SIL1: variants seen among roughly 807,000 people sequenced by gnomAD.
SIL1 encodes nucleotide exchange factor SIL1.
In SIL1, 40 loss-of-function variants were observed where a neutral mutation model predicts 49.1. That is an observed-to-expected ratio of 0.81 (90% CI 0.63 to 1.06). The LOEUF is 1.06. Ranked by LOEUF, SIL1 falls within the 50% of genes least tolerant of loss-of-function variation. The pLI is 0.00. For missense variants in SIL1, 500 were observed against 572.6 expected (o/e 0.87, Z 1.29); for synonymous variants, 253 against 250.8 (o/e 1.01, Z -0.08).
chr5:138,949,637 C>A (rs886499953), intron 9 of SIL1, among the ~76,000 whole-genome samples: 3 of 151,836 alleles, frequency 2.0e-5, no homozygotes, highest in African/African-American at 7.3e-5. Context: ...CATAGTGAGA[C>A]CCTGTCTACA....
rs1360629532 is a variant in SIL1, at chr5:139,112,363, C to A, written c.244+8672G>T. Among the ~76,000 whole-genome samples the A allele has an allele frequency of 3.3e-5, 5 of 150,376 alleles. No individual in the cohort carries two copies. The South Asian group carries it at 1.1e-3, about 32-fold the overall frequency. On this transcript the variant is annotated intron_variant, in intron 3 of 9. Coordinates refer to ENST00000394817, the MANE Select transcript of SIL1 (RefSeq NM_022464.5). ...GCTGCCCAGTCTGGGAAGTGAGGAG[C>A]GCCTCTTCCCGGCTGCCATCCCGTC...
intron 1 of SIL1, among the ~76,000 whole-genome samples, chr5:139,172,154 C>T (rs1166538261): frequency 6.6e-6 from 1 of 152,042 alleles, no homozygotes; most frequent in Non-Finnish European, 1.5e-5. Context: ...TTGTGAAAGT[C>T]CCAGAAAGAA....
intron 3 of SIL1, among the ~76,000 whole-genome samples, chr5:139,085,416 G>A (rs1770195966): frequency 6.6e-6 from 1 of 152,158 alleles, no homozygotes; most frequent in South Asian, 2.1e-4. Flanking sequence ...GACTAATATG[G>A]TGGCCAGCAA....
At chr5:139,086,286 A>AAAGAAG (rs70982744) in intron 3 of SIL1, among the ~76,000 whole-genome samples, 15 of 145,164 alleles carry the variant, frequency 1.0e-4, no homozygotes, top group East Asian at 2.0e-4. Flanking sequence ...AAAAAAAAAA[A>AAAGAAG]AAGAAGAAGA....
intron 7 of SIL1, among the ~76,000 whole-genome samples, chr5:139,008,912 G>A (rs1768184989): frequency 6.6e-6 from 1 of 151,888 alleles, no homozygotes; most frequent in Non-Finnish European, 1.5e-5. Flanking sequence ...TAGGTGTGGT[G>A]TGGTGCTGAA....
At chr5:139,045,654 A>G (rs1269858621) in intron 4 of SIL1, among the ~76,000 whole-genome samples, 4 of 152,230 alleles carry the variant, frequency 2.6e-5, no homozygotes. Context: ...ATGTTTAACA[A>G]GTATTTCAAA....
chr5:139,132,556 G>A (rs1278243980), intron 1 of SIL1, among the ~76,000 whole-genome samples: 2 of 152,188 alleles, frequency 1.3e-5, no homozygotes, highest in Non-Finnish European at 2.9e-5. Context: ...GCTGAGGTGG[G>A]CAGTGGGAGA....
In SIL1 at chr5:139,170,558, G is replaced by A. The variant is rs1397141326; in HGVS notation, c.-11+27711C>T. On this transcript the variant is annotated intron_variant, in intron 1 of 9. Coordinates refer to ENST00000394817, the MANE Select transcript of SIL1 (RefSeq NM_022464.5). ...GTGAGAAGCACCTCTGCCCGGCCGC[G>A]ACCCCGTCTGGGAGGTGAGGAGCGT... 3.2e-4 allele frequency among the ~76,000 whole-genome samples: 42 copies of A among 130,832 alleles called. No individual in the cohort carries two copies. In the Middle Eastern group the frequency reaches 0.017, roughly 53 times the overall value. The allele number at this position is 130,832 out of a possible 152,430, so 85.8% of individuals were successfully genotyped here.
intron 7 of SIL1, among the ~76,000 whole-genome samples, chr5:138,953,850 C>A (rs1389468437): frequency 6.6e-6 from 1 of 152,236 alleles, no homozygotes; most frequent in Non-Finnish European, 1.5e-5. Context: ...GCTGCTTCCC[C>A]AAGGGGGCTG....
intron 3 of SIL1, among the ~76,000 whole-genome samples, chr5:139,109,706 A>G (rs983444550): frequency 1.6e-4 from 24 of 151,562 alleles, no homozygotes; most frequent in African/African-American, 5.8e-4. Flanking sequence ...AAAAAAAAAA[A>G]AAAAAAAAGC....
At chr5:139,145,918 T>TAAAGAG (rs1216364198) in intron 1 of SIL1, among the ~76,000 whole-genome samples, 2 of 150,488 alleles carry the variant, frequency 1.3e-5, no homozygotes, top group African/African-American at 4.9e-5. Context: ...AAAAAAAAAA[T>TAAAGAG]AAAGAGGCAT....
intron 3 of SIL1, among the ~76,000 whole-genome samples, chr5:139,115,326 G>A (rs1045213003): frequency 1.3e-5 from 2 of 152,310 alleles, no homozygotes; most frequent in African/African-American, 4.8e-5. Flanking sequence ...CCATAAGAGT[G>A]TACTTTGTTA....
intron 3 of SIL1, among the ~76,000 whole-genome samples, chr5:139,057,329 G>GA (rs953514942): frequency 2.0e-5 from 2 of 99,984 alleles, no homozygotes; most frequent in Non-Finnish European, 4.2e-5. Flanking sequence ...AAAAAAAAAA[G>GA]AAAAGAAAAG....
intron 9 of SIL1, among the ~76,000 whole-genome samples, chr5:138,950,823 C>T (rs1368950389): frequency 6.6e-6 from 1 of 152,198 alleles, no homozygotes; most frequent in East Asian, 1.9e-4. Context: ...TTCGAAGGAG[C>T]TCTGGGCTGT....
intron 7 of SIL1, among the ~76,000 whole-genome samples, chr5:138,952,736 T>G (rs1314133296): frequency 6.6e-6 from 1 of 152,120 alleles, no homozygotes; most frequent in Non-Finnish European, 1.5e-5. Flanking sequence ...GCTAGAGAAA[T>G]AGTGATGTGA....
chr5:139,010,714 ACC>A lies in SIL1; in HGVS notation c.767+10455_767+10456del. Among the ~76,000 whole-genome samples, 3 of 150,952 alleles carry A rather than the reference ACC, an allele frequency of 2.0e-5. No individual in the cohort carries two copies. The South Asian group carries it at 6.4e-4, about 32-fold the overall frequency. On this transcript the variant is annotated intron_variant, in intron 7 of 9. Coordinates refer to ENST00000394817, the MANE Select transcript of SIL1 (RefSeq NM_022464.5). Reference sequence around the variant, plus strand: ...CCCTCAGCTGCAGGTCTGTTGGAATACCCTGCCGTGTGATGTGTCAGTGTGCC... The same window carrying A: ...CCCTCAGCTGCAGGTCTGTTGGAATACTGCCGTGTGATGTGTCAGTGTGCC...
intron 7 of SIL1, among the ~76,000 whole-genome samples, chr5:138,991,914 T>A (rs1461865805): frequency 6.6e-6 from 1 of 152,230 alleles, no homozygotes; most frequent in African/African-American, 2.4e-5. Context: ...AGAAGCATGC[T>A]TACTCTAGTT....
intron 6 of SIL1, among the ~76,000 whole-genome samples, chr5:139,025,931 A>T (rs1768638957): frequency 6.6e-6 from 1 of 152,242 alleles, no homozygotes; most frequent in South Asian, 2.1e-4. Flanking sequence ...GTGCCCCAAT[A>T]AAATTTTATT....
intron 3 of SIL1, among the ~76,000 whole-genome samples, chr5:139,064,695 T>C (rs773955322): frequency 1.3e-5 from 2 of 152,224 alleles, no homozygotes; most frequent in African/African-American, 4.8e-5. Flanking sequence ...CTAGAAGGAA[T>C]TGCAGCCTTT....
Sources: gnomAD v4.1 joint callset for allele counts (sites outside exome capture counted in the v4.1 genomes callset) on GRCh38, gnomAD v4.1.1 for gene constraint, MANE v1.5 for transcripts, NCBI Gene and HGNC (gene_info 2026-07-23, HGNC 2026-07-21) for gene names.